Variants in ABTB2 observed in about 807,000 individuals in gnomAD.
The protein encoded by ABTB2 is ankyrin repeat and BTB/POZ domain-containing protein 2.
In ABTB2, 56 loss-of-function variants were observed where a neutral mutation model predicts 104.1. The observed-to-expected ratio is 0.54, with a 90% CI of 0.43 to 0.67. The LOEUF is 0.67. ABTB2 is among the 30% of genes least tolerant of loss of function. ABTB2 has a pLI of 0.00. For synonymous variants in ABTB2, 606 were observed against 608.2 expected (o/e 1.00, Z 0.05); for missense variants, 1,279 against 1,407.7 (o/e 0.91, Z 1.46).
chr11:34,302,577 G>C (rs774893409), intron 1 of ABTB2, among the ~76,000 whole-genome samples: 2 of 152,196 alleles, frequency 1.3e-5, no homozygotes, highest in Non-Finnish European at 2.9e-5. Context: ...GTTGACCTGG[G>C]CCTGCTATTT....
At chr11:34,257,942 G>C (rs986996918) in intron 1 of ABTB2, among the ~76,000 whole-genome samples, 1 of 151,980 alleles carries the variant, frequency 6.6e-6, no homozygotes, top group Non-Finnish European at 1.5e-5. Context: ...TAATCACATG[G>C]ACCCACCTAA....
chr11:34,323,647 A>T (rs1855031868), intron 1 of ABTB2, among the ~76,000 whole-genome samples: 1 of 152,122 alleles, frequency 6.6e-6, no homozygotes, highest in South Asian at 2.1e-4. Flanking sequence ...CAATACAGTT[A>T]TCACTATGTG....
chr11:34,324,992 T>C (rs562161899), intron 1 of ABTB2, among the ~76,000 whole-genome samples: 7 of 152,144 alleles, frequency 4.6e-5, no homozygotes, highest in Non-Finnish European at 1.0e-4. Context: ...TGTTCTTTTT[T>C]GTTGTTGAGG....
intron 1 of ABTB2, among the ~76,000 whole-genome samples, chr11:34,264,545 C>T (rs1345471082): frequency 6.6e-6 from 1 of 152,200 alleles, no homozygotes; most frequent in Non-Finnish European, 1.5e-5. Flanking sequence ...TTTTTGCTGC[C>T]AGCAATTTAG....
intron 1 of ABTB2, among the ~76,000 whole-genome samples, chr11:34,227,787 T>C (rs949909079): frequency 1.7e-4 from 26 of 152,206 alleles, no homozygotes; most frequent in African/African-American, 6.0e-4. Context: ...CAGGCTGGAG[T>C]GCAATGGCAT....
At chr11:34,298,085 GTT>G (rs369442459) in intron 1 of ABTB2, among the ~76,000 whole-genome samples, 50 of 140,574 alleles carry the variant, frequency 3.6e-4, no homozygotes, top group Admixed American at 7.1e-4. Flanking sequence ...ATAAATGTCT[GTT>G]TTTTTTTTTT....
intron 14 of ABTB2, among the ~76,000 whole-genome samples, chr11:34,159,064 C>T (rs1392208568): frequency 6.6e-6 from 1 of 152,236 alleles, no homozygotes; most frequent in Admixed American, 6.5e-5. Context: ...GCCCAGACCA[C>T]CTGTCCAGCG....
rs117404399 is a variant in ABTB2, at chr11:34,349,479, C to T, written c.883+7222G>A. Among the ~76,000 whole-genome samples, 11 of 152,220 alleles carry T rather than the reference C, an allele frequency of 7.2e-5. No individual in the cohort carries two copies. In the East Asian group the frequency reaches 2.1e-3, roughly 29 times the overall value. ...AGCCTTGCGAGTAATACCCATCTCC[C>T]TGAGATTTGGGTCGTGACCCTCCTT... On this transcript the variant is annotated intron_variant, in intron 1 of 16. Coordinates refer to ENST00000435224, the MANE Select transcript of ABTB2 (RefSeq NM_145804.3).
chr11:34,183,356 TC>T (rs1853052675), intron 3 of ABTB2, among the ~76,000 whole-genome samples: 1 of 152,126 alleles, frequency 6.6e-6, no homozygotes, highest in Admixed American at 6.5e-5. Flanking sequence ...TACCTTGGCA[TC>T]CCAAAGTGCT....
intron 1 of ABTB2, among the ~76,000 whole-genome samples, chr11:34,347,838 C>A (rs931312966): frequency 5.3e-5 from 8 of 152,050 alleles, no homozygotes; most frequent in African/African-American, 1.9e-4. Context: ...AATAATAAAC[C>A]CTAAACTGGA....
chr11:34,273,819 G>C (rs76370770), intron 1 of ABTB2, among the ~76,000 whole-genome samples: 1 of 152,000 alleles, frequency 6.6e-6, no homozygotes, highest in Non-Finnish European at 1.5e-5. Flanking sequence ...TGGAGGGAAG[G>C]AATAACAATA....
At chr11:34,273,145 A>G (rs960217900) in intron 1 of ABTB2, among the ~76,000 whole-genome samples, 8 of 152,292 alleles carry the variant, frequency 5.3e-5, no homozygotes, top group Admixed American at 1.3e-4. Flanking sequence ...TACTATTTTT[A>G]CTATTCCTGG....
At chr11:34,326,846 G>A (rs1032995235) in intron 1 of ABTB2, among the ~76,000 whole-genome samples, 1 of 152,174 alleles carries the variant, frequency 6.6e-6, no homozygotes, top group East Asian at 1.9e-4. Context: ...GAGGCAGGCA[G>A]ATCATTTGAG....
At chr11:34,197,244 C>G in intron 3 of ABTB2, 81 bp downstream of exon 3, 2 of 1,478,540 alleles carry the variant, frequency 1.4e-6, no homozygotes, top group Non-Finnish European at 1.9e-6. Flanking sequence ...GTTGGTCAGT[C>G]GTCAGTCAGT....
intron 1 of ABTB2, among the ~76,000 whole-genome samples, chr11:34,330,135 G>A (rs116393020): frequency 6.6e-5 from 10 of 152,146 alleles, no homozygotes; most frequent in Admixed American, 6.5e-4. Flanking sequence ...TCCCTGCTGG[G>A]TCACTCCTTG....
intron 1 of ABTB2, among the ~76,000 whole-genome samples, chr11:34,213,718 T>A (rs1435350605): frequency 1.3e-5 from 2 of 152,172 alleles, no homozygotes; most frequent in Non-Finnish European, 2.9e-5. Context: ...CCATTTCTCC[T>A]CTTTGCAAAA....
intron 1 of ABTB2, among the ~76,000 whole-genome samples, chr11:34,319,051 T>C (rs56964167): frequency 0.015 from 2,251 of 152,330 alleles, 41 homozygotes; most frequent in African/African-American, 0.047. Flanking sequence ...GCAAGGATGA[T>C]GGCCAAGGCC....
Position 34,217,291 on chromosome 11 carries a change from T to G in ABTB2, c.884-12601A>C, listed in dbSNP as rs1853561122. 2.6e-5 allele frequency among the ~76,000 whole-genome samples: 4 copies of G among 152,250 alleles called. 1 individual carries two copies. In the South Asian group the frequency reaches 8.3e-4, roughly 31 times the overall value. On this transcript the variant is annotated intron_variant, in intron 1 of 16. Coordinates refer to ENST00000435224, the MANE Select transcript of ABTB2 (RefSeq NM_145804.3). ...AATTTTGAGGTTTGCCTGTCGTGCA[T>G]CATCAGCTTATTTCTTTTTAGCTCT...
chr11:34,277,512 G>A (rs550086504), intron 1 of ABTB2, among the ~76,000 whole-genome samples: 184 of 151,644 alleles, frequency 1.2e-3, no homozygotes, highest in Non-Finnish European at 2.0e-3. Context: ...GGCTGGGTAC[G>A]GTGGCTCATG....
Sources: gnomAD v4.1 joint callset for allele counts (sites outside exome capture counted in the v4.1 genomes callset) on GRCh38, gnomAD v4.1.1 for gene constraint, MANE v1.5 for transcripts, NCBI Gene and HGNC (gene_info 2026-07-23, HGNC 2026-07-21) for gene names.